The following NMT2 variants were observed in gnomAD, a reference collection of about 807,000 sequenced individuals.
NMT2 encodes the protein glycylpeptide N-tetradecanoyltransferase 2.
In NMT2, 35 loss-of-function variants were observed where a neutral mutation model predicts 65.4. That is an observed-to-expected ratio of 0.54 (90% CI 0.41 to 0.71). The LOEUF is 0.71. NMT2 is among the 30% of genes least tolerant of loss of function. The pLI is 0.00. For missense variants in NMT2, 489 were observed against 611.3 expected (o/e 0.80, Z 2.11); for synonymous variants, 226 against 231.8 (o/e 0.98, Z 0.23).
chr10:15,114,396 G>A (rs1428859325), intron 9 of NMT2, among the ~76,000 whole-genome samples: 2 of 151,974 alleles, frequency 1.3e-5, no homozygotes, highest in African/African-American at 4.8e-5. Context: ...AGAGTGGGAT[G>A]ATCTTTCCAT....
chr10:15,127,546 C>CAAAAAAAAA (rs1239422956), intron 8 of NMT2, among the ~76,000 whole-genome samples: 25 of 51,358 alleles, frequency 4.9e-4, no homozygotes, highest in South Asian at 1.0e-3. Context: ...GACTCCGTCT[C>CAAAAAAAAA]AAAAAAAAAA....
intron 8 of NMT2, among the ~76,000 whole-genome samples, chr10:15,127,574 ATAAATAAATAAATAAAT>A (rs1564568451): frequency 1.2e-5 from 1 of 83,678 alleles, no homozygotes; most frequent in African/African-American, 1.1e-4. Context: ...AAAAAAATAA[ATAAATAAATAAATAAAT>A]AAATAAAATA....
chr10:15,110,536 G>A (rs1027424504), intron 10 of NMT2, among the ~76,000 whole-genome samples: 1 of 152,160 alleles, frequency 6.6e-6, no homozygotes. Context: ...CTACACAGGA[G>A]GCTGAGGCAG....
intron 10 of NMT2, among the ~76,000 whole-genome samples, chr10:15,112,177 T>G (rs562044795): frequency 0.013 from 102 of 7,948 alleles, 3 homozygotes; most frequent in Admixed American, 0.035. Context: ...ATGGGCTTTA[T>G]ATATATATAT....
intron 3 of NMT2, among the ~76,000 whole-genome samples, chr10:15,133,974 A>C (rs1283062672): frequency 6.6e-6 from 1 of 152,188 alleles, no homozygotes; most frequent in Admixed American, 6.5e-5. Context: ...CCGAGTCTCA[A>C]GGCCTACAAT....
At chr10:15,152,967 G>A (rs576758518) in intron 1 of NMT2, among the ~76,000 whole-genome samples, 1 of 152,298 alleles carries the variant, frequency 6.6e-6, no homozygotes, top group African/African-American at 2.4e-5. Context: ...TCTACTAATA[G>A]GGGATGGATT....
At chr10:15,152,327 G>A (rs1026512427) in intron 1 of NMT2, among the ~76,000 whole-genome samples, 1 of 152,166 alleles carries the variant, frequency 6.6e-6, no homozygotes, top group South Asian at 2.1e-4. Context: ...GGATGGTAGA[G>A]GAAAGAAACA....
At chr10:15,122,029 T>A (rs1247055443) in intron 8 of NMT2, among the ~76,000 whole-genome samples, 1 of 152,246 alleles carries the variant, frequency 6.6e-6, no homozygotes, top group Non-Finnish European at 1.5e-5. Context: ...TAAGCACTTC[T>A]AAATGCTAGT....
intron 1 of NMT2, among the ~76,000 whole-genome samples, chr10:15,142,139 A>G (rs1363244761): frequency 6.6e-6 from 1 of 152,254 alleles, no homozygotes; most frequent in Non-Finnish European, 1.5e-5. Flanking sequence ...TAGGTTATAA[A>G]GGAACTTTTC....
chr10:15,123,771 A>C (rs1845998825), intron 8 of NMT2, among the ~76,000 whole-genome samples: 1 of 152,202 alleles, frequency 6.6e-6, no homozygotes, highest in East Asian at 1.9e-4. Flanking sequence ...TATCTGAATC[A>C]GATATCCTTT....
At chr10:15,132,436 A>AT (rs892198446) in intron 6 of NMT2, among the ~76,000 whole-genome samples, 3 of 151,274 alleles carry the variant, frequency 2.0e-5, no homozygotes, top group South Asian at 2.1e-4. Flanking sequence ...TTTTATTTTT[A>AT]TTTTTTTTGA....
chr10:15,111,313 C>G (rs1477009185), intron 10 of NMT2, among the ~76,000 whole-genome samples: 1 of 151,324 alleles, frequency 6.6e-6, no homozygotes, highest in South Asian at 2.1e-4. Context: ...GAGTTCGAGA[C>G]CAGCCGGGTC....
intron 8 of NMT2, among the ~76,000 whole-genome samples, chr10:15,126,033 C>A (rs1416164660): frequency 6.6e-6 from 1 of 151,888 alleles, no homozygotes; most frequent in Non-Finnish European, 1.5e-5. Context: ...CACACAGATT[C>A]TAAGATGGCC....
chr10:15,109,896 A>G lies in NMT2; in HGVS notation c.1339-57T>C, dbSNP rs1589284994. On this transcript the variant is annotated intron_variant, in intron 10 of 11. Coordinates refer to ENST00000378165, the MANE Select transcript of NMT2 (RefSeq NM_004808.3). ...ACAAAGGACTAGTGTTTTCTGTATTACATATCTCAGTTTAACAATTCTACT... is the reference window on the plus strand; with the variant it reads ...ACAAAGGACTAGTGTTTTCTGTATTGCATATCTCAGTTTAACAATTCTACT... The G allele has an allele frequency of 1.2e-5, 17 of 1,414,380 alleles. No individual in the cohort carries two copies. In the East Asian group the frequency reaches 4.0e-4, roughly 33 times the overall value. 87.6% of individuals were successfully genotyped at this position (1,414,380 alleles called of 1,614,324 possible).
At chr10:15,166,729 A>G (rs1833389032) in intron 1 of NMT2, among the ~76,000 whole-genome samples, 1 of 152,216 alleles carries the variant, frequency 6.6e-6, no homozygotes, top group Non-Finnish European at 1.5e-5. Context: ...CCTTTCTAAT[A>G]TATAAAATGT....
Position 15,168,671 on chromosome 10 carries a change from C to A in NMT2, c.-59G>T. 2 of 1,287,812 alleles carry A rather than the reference C, an allele frequency of 1.6e-6. No individual in the cohort carries two copies. Among genetic ancestry groups the A allele is most frequent in the South Asian group, 1.3e-5 (1 of 76,230 alleles). The allele number at this position is 1,287,812 out of a possible 1,614,324, so 79.8% of individuals were successfully genotyped here. The stretch of plus-strand genomic sequence containing the variant: ...GGCCGGGCCGGAGCGGCCGCAGCTC[C>A]CTCTAGTGCCTCCCGCCGTACTGCT... On this transcript the variant is annotated 5_prime_UTR_variant, in exon 1 of 12. Coordinates refer to ENST00000378165, the MANE Select transcript of NMT2 (RefSeq NM_004808.3).
At chr10:15,128,997 G>C (rs532849308) in intron 7 of NMT2, among the ~76,000 whole-genome samples, 11 of 152,154 alleles carry the variant, frequency 7.2e-5, no homozygotes, top group Non-Finnish European at 1.5e-5. Flanking sequence ...AACAGAGCAA[G>C]ACCGTCTCAC....
chr10:15,137,733 G>A (rs868494195), intron 2 of NMT2, among the ~76,000 whole-genome samples: 1 of 152,046 alleles, frequency 6.6e-6, no homozygotes, highest in African/African-American at 2.4e-5. Flanking sequence ...TTAATTTTTT[G>A]TTCCTTGATT....
rs745220 is a variant in NMT2, at chr10:15,105,914, T to G, written c.*3281A>C. 3.8e-6 allele frequency: 1 copy of G among 262,018 alleles called. No homozygotes were observed. Among genetic ancestry groups the G allele is most frequent in the Non-Finnish European group, 7.8e-6 (1 of 128,754 alleles). 16.2% of individuals were successfully genotyped at this position (262,018 alleles called of 1,614,324 possible). ...TGGTTAATAATTTGATAACAAATTA[T>G]GTAAATGACTCTTTAAAGGAGCAGT... is the stretch of plus-strand genomic sequence containing the variant. On this transcript the variant is annotated 3_prime_UTR_variant, in exon 12 of 12. Coordinates refer to ENST00000378165, the MANE Select transcript of NMT2 (RefSeq NM_004808.3).
Sources: allele counts gnomAD v4.1 joint callset (sites outside exome capture counted in the v4.1 genomes callset), GRCh38; gene constraint gnomAD v4.1.1; transcripts MANE v1.5; gene names NCBI Gene and HGNC (gene_info 2026-07-23, HGNC 2026-07-21).